Variants in PTPRS observed in about 807,000 individuals in gnomAD.
The protein encoded by PTPRS is protein tyrosine phosphatase receptor type S.
PTPRS carries 63 observed loss-of-function variants against 215.3 expected under a neutral mutation model. The observed-to-expected ratio is 0.29, with a 90% CI of 0.24 to 0.36. PTPRS has a LOEUF of 0.36. Among genes scored for constraint, PTPRS ranks in the 10% least tolerant of loss-of-function variants. The pLI, the probability that PTPRS is intolerant of heterozygous loss-of-function variation, is 1.00. For synonymous variants in PTPRS, 1,404 were observed against 1,191.4 expected (o/e 1.18, Z -3.68); for missense variants, 2,258 against 2,825.8 (o/e 0.80, Z 4.56).
chr19:5,211,918 G>A (rs1011156503), intron 32 of PTPRS, 47 bp downstream of exon 32: 3 of 1,548,974 alleles, frequency 1.9e-6, no homozygotes, highest in African/African-American at 1.4e-5. Context: ...TCGGCTCTTT[G>A]GGCCTCCTCC....
At chr19:5,305,234 T>C (rs2049441603) in intron 1 of PTPRS, among the ~76,000 whole-genome samples, 1 of 152,132 alleles carries the variant, frequency 6.6e-6, no homozygotes, top group South Asian at 2.1e-4. Context: ...CAGGCACACT[T>C]ACTAAATTCT....
At position 5,274,348 on chromosome 19, in the gene PTPRS, G is replaced by A. The variant is rs1255925943; in HGVS notation, c.92-4C>T. 5 of 1,605,946 alleles carry A rather than the reference G, an allele frequency of 3.1e-6. No homozygotes were observed. The East Asian group carries it at 6.8e-5, about 22-fold the overall frequency. On this transcript the variant is annotated splice_polypyrimidine_tract_variant and splice_region_variant and intron_variant, in intron 2 of 37. Transcript: ENST00000262963. ...TCTTTGATAAACCTGGGGGGCTCTG[G>A]GGATACAGTGGAAAGAAGGGGGGGC...
intron 1 of PTPRS, 167 bp from the exon 2 acceptor site, chr19:5,286,401 C>A (rs2048354547): frequency 2.0e-6 from 1 of 510,458 alleles, no homozygotes; most frequent in Non-Finnish European, 3.6e-6. Flanking sequence ...AAGTGCTGGG[C>A]CCTTGCTATA....
At chr19:5,214,977 C>A (rs922972423) in intron 28 of PTPRS, among the ~76,000 whole-genome samples, 6 of 152,222 alleles carry the variant, frequency 3.9e-5, no homozygotes, top group African/African-American at 1.2e-4. Context: ...TGGCCTCCGC[C>A]CACTCCACGC....
chr19:5,324,940 G>A (rs1185016925), intron 1 of PTPRS, among the ~76,000 whole-genome samples: 1 of 152,198 alleles, frequency 6.6e-6, no homozygotes, highest in East Asian at 1.9e-4. Context: ...CCCAGAAGGT[G>A]TCCCAAGGTT....
At chr19:5,323,482 G>A (rs547749514) in intron 1 of PTPRS, among the ~76,000 whole-genome samples, 6 of 152,344 alleles carry the variant, frequency 3.9e-5, no homozygotes, top group Admixed American at 6.5e-5. Context: ...TAGGGTGATC[G>A]GGGAGGCCTC....
intron 9 of PTPRS, among the ~76,000 whole-genome samples, chr19:5,246,631 T>G (rs912446912): frequency 1.3e-5 from 2 of 152,120 alleles, no homozygotes; most frequent in African/African-American, 4.8e-5. Flanking sequence ...TCTGGGGATG[T>G]GGCGGTCATA....
rs1238146266 is a variant in PTPRS, at chr19:5,229,478, GC to G, written c.2349+12del. 10 of 1,408,626 alleles carry G rather than the reference GC, an allele frequency of 7.1e-6. No individual in the cohort carries two copies. The highest frequency in any genetic ancestry group is 3.6e-5 in the Admixed American group (1 of 27,712). The allele number at this position is 1,408,626 out of a possible 1,614,324, so 87.3% of individuals were successfully genotyped here. On this transcript the variant is annotated intron_variant, in intron 15 of 37. Transcript: ENST00000262963. ...GGAGCCCGTCCCCGGCCCCGCCCCG[GC>G]CCCCCGCCCACCTGGGCATCGGCCA...
Position 5,339,782 on chromosome 19 carries a change from C to A in PTPRS, c.-95+882G>T, listed in dbSNP as rs960942780. On this transcript the variant is annotated intron_variant, in intron 1 of 37. Transcript: ENST00000262963. This position sits in a 1 kb window ranked among gnomAD's most constrained non-coding sequence, Gnocchi z 4.2. ...CCTCCCCCCGCAGCCCCCGGGGGCT[C>A]CCGGGGCGTGCGGAACCCGCGGGGC... 2.5e-4 allele frequency among the ~76,000 whole-genome samples: 38 copies of A among 151,776 alleles called. 1 individual carries two copies. The highest frequency in any genetic ancestry group is 8.9e-4 in the African/African-American group (37 of 41,472).
At position 5,240,810 on chromosome 19, in the gene PTPRS, G is replaced by A. The variant is rs183785915; in HGVS notation, c.1571-478C>T. Among the ~76,000 whole-genome samples, 464 of 150,390 alleles carry A rather than the reference G, an allele frequency of 3.1e-3. 1 individual carries two copies. Among genetic ancestry groups the A allele is most frequent in the African/African-American group, 0.011 (444 of 41,014 alleles). On this transcript the variant is annotated intron_variant, in intron 11 of 37. Transcript: ENST00000262963. ...GCGGAGATCGCGCCACTGCACTCCA[G>A]CCTGGGCAACAGAGTGAGACTCTGT...
At chr19:5,209,942 C>T (rs182383526) in intron 35 of PTPRS, among the ~76,000 whole-genome samples, 1 of 152,322 alleles carries the variant, frequency 6.6e-6, no homozygotes, top group East Asian at 1.9e-4. Context: ...CCACCACTAA[C>T]TTTGATCCTT....
At chr19:5,309,947 C>G (rs1011550202) in intron 1 of PTPRS, among the ~76,000 whole-genome samples, 1 of 152,206 alleles carries the variant, frequency 6.6e-6, no homozygotes, top group Admixed American at 6.5e-5. Context: ...TCCTCCTTTG[C>G]CCATAGCCCT....
At position 5,210,647 on chromosome 19, in the gene PTPRS, C is replaced by T; in HGVS notation, c.5361+32G>A. ...GCGCTGTCTGAGCCACAGTCTGGCC[C>T]TCGCCCTTCCCTGCTGTGGCCCCTA... On this transcript the variant is annotated intron_variant, in intron 34 of 37. Coordinates refer to ENST00000262963, the MANE Select transcript of PTPRS (RefSeq NM_002850.4). The surrounding 1 kb of genome is among the most constrained non-coding windows in gnomAD (Gnocchi z 4.5). 1.9e-6 allele frequency: 3 copies of T among 1,614,076 alleles called. No homozygotes were observed. The highest frequency in any genetic ancestry group is 2.5e-6 in the Non-Finnish European group (3 of 1,180,016).
chr19:5,271,644 C>T (rs1039338413), intron 4 of PTPRS, among the ~76,000 whole-genome samples: 2 of 151,628 alleles, frequency 1.3e-5, no homozygotes, highest in African/African-American at 2.4e-5. Flanking sequence ...GCGATCTGCC[C>T]GCCTTGGCCT....
At chr19:5,224,718 A>C (rs1455507418) in intron 17 of PTPRS, among the ~76,000 whole-genome samples, 1 of 152,000 alleles carries the variant, frequency 6.6e-6, no homozygotes, top group Non-Finnish European at 1.5e-5. Context: ...AGAGGAGGGA[A>C]GTGCCCTGCT....
Position 5,221,052 on chromosome 19 carries a change from C to A in PTPRS, c.3403G>T (p.Asp1135Tyr), listed in dbSNP as rs755938901. Reference sequence around the variant, plus strand: ...GGAAGATACACCATGATGAAGCCGTCAGCATCAGGCTTGGGGGCGACGCTG... The same window carrying A: ...GGAAGATACACCATGATGAAGCCGTAAGCATCAGGCTTGGGGGCGACGCTG... Reference protein sequence around the residue: ...KPSVAPKPDADGFIMVYLPDG... With the variant: ...KPSVAPKPDAYGFIMVYLPDG... Residue 1135 changes from aspartate (D) to tyrosine (Y), a missense_variant, in exon 20 of 38, where the codon GAC becomes TAC. Physicochemically the swap from Asp to Tyr is radical, Grantham distance 160 (BLOSUM62 -3). Transcript: ENST00000262963. 6.2e-7 allele frequency: 1 copy of A among 1,613,776 alleles called. No individual in the cohort carries two copies. The highest frequency in any genetic ancestry group is 8.5e-7 in the Non-Finnish European group (1 of 1,179,928).
chr19:5,297,394 T>A (rs1466528178), intron 1 of PTPRS, among the ~76,000 whole-genome samples: 1 of 151,210 alleles, frequency 6.6e-6, no homozygotes. Flanking sequence ...GCCGTTCTCA[T>A]TCATTCTTTC....
intron 11 of PTPRS, among the ~76,000 whole-genome samples, chr19:5,243,651 T>C (rs2044236144): frequency 1.3e-5 from 2 of 151,974 alleles, no homozygotes; most frequent in Non-Finnish European, 2.9e-5. Flanking sequence ...GGCTAATTTT[T>C]AGTAGAGATG....
intron 17 of PTPRS, among the ~76,000 whole-genome samples, chr19:5,225,213 G>A (rs572913342): frequency 2.6e-5 from 4 of 152,120 alleles, no homozygotes; most frequent in Non-Finnish European, 5.9e-5. Context: ...GCTTCCTGGT[G>A]CAGTAGGGGA....
Sources: gnomAD v4.1 joint callset for allele counts (sites outside exome capture counted in the v4.1 genomes callset) on GRCh38, gnomAD v4.1.1 for gene constraint, Gnocchi (gnomAD v3.1) non-coding constraint, MANE v1.5 for transcripts, NCBI Gene and HGNC (gene_info 2026-07-23, HGNC 2026-07-21) for gene names.